The following CIBAR1 variants were observed in gnomAD, a reference collection of about 807,000 sequenced individuals.
CIBAR1 encodes the protein CBY1 interacting BAR domain containing 1.
Under a neutral mutation model 44.0 loss-of-function variants are expected in CIBAR1, and 25 were observed. The observed-to-expected ratio is 0.57, with a 90% CI of 0.41 to 0.79. CIBAR1 has a LOEUF of 0.79. Ranked by LOEUF, CIBAR1 falls within the 30% of genes least tolerant of loss-of-function variation. The probability of loss-of-function intolerance (pLI) is 0.00; values close to 1 mark genes in which losing one functional copy is unlikely to be tolerated. For synonymous variants in CIBAR1, 115 were observed against 119.0 expected (o/e 0.97, Z 0.22); for missense variants, 278 against 344.8 (o/e 0.81, Z 1.53).
intron 3 of CIBAR1, among the ~76,000 whole-genome samples, chr8:93,704,533 T>C (rs888905972): frequency 6.6e-6 from 1 of 152,194 alleles, no homozygotes; most frequent in East Asian, 1.9e-4. Flanking sequence ...CAGTTCCTAA[T>C]AGGCCTGGGG....
At chr8:93,720,846 G>A (rs1811235747) in intron 7 of CIBAR1, 1 of 151,950 alleles carries the variant, frequency 6.6e-6, no homozygotes, top group South Asian at 2.1e-4. Flanking sequence ...ACTCTAGCCT[G>A]GCAACAGAGT....
At position 93,701,259 on chromosome 8, in the gene CIBAR1, C is replaced by T. The variant is rs1272626563; in HGVS notation, c.62C>T (p.Ser21Leu). 1 of 1,613,624 alleles carries T rather than the reference C, an allele frequency of 6.2e-7. No individual in the cohort carries two copies. The highest frequency in any genetic ancestry group is 1.1e-5 in the South Asian group (1 of 90,932). The change falls in exon 2 of 9, where the codon TCA becomes TTA. Residue 21 changes from serine to leucine, a missense_variant. By Grantham distance (145) the Ser-to-Leu change is moderately radical (BLOSUM62 -2). Around this residue, in one of 3 missense-constraint regions of CIBAR1, gnomAD observed 183 missense variants for 218.6 expected, o/e 0.84. Transcript: ENST00000518322. ...AQTKQLQTAVSNVEKHFGELC... is the reference protein window; with the variant it reads ...AQTKQLQTAVLNVEKHFGELC... ...ACGAAACAACTGCAAACAGCTGTCT[C>T]AAATGTGGAGAAGCATTTTGGAGAA... is the stretch of plus-strand genomic sequence containing the variant.
intron 1 of CIBAR1, chr8:93,700,990 C>G (rs530049268): frequency 2.9e-6 from 4 of 1,399,966 alleles, no homozygotes; most frequent in Non-Finnish European, 3.7e-6. Flanking sequence ...GAGCAGCCAC[C>G]TCCCCAGTTA....
At position 93,703,952 on chromosome 8, in the gene CIBAR1, T is replaced by G. The variant is rs140673576; in HGVS notation, c.330+264T>G. Reference sequence around the variant, plus strand: ...GGTGGCATGCACCTGTAATCCCAGCTACTCAGGAGGCCGAGGCAAGAAAAT... The same window carrying G: ...GGTGGCATGCACCTGTAATCCCAGCGACTCAGGAGGCCGAGGCAAGAAAAT... On this transcript the variant is annotated intron_variant, in intron 3 of 8. Coordinates refer to ENST00000518322, the MANE Select transcript of CIBAR1 (RefSeq NM_145269.5). Among the ~76,000 whole-genome samples, 1,389 of 151,818 alleles carry G rather than the reference T, an allele frequency of 9.1e-3. 72 individuals carry two copies. Among genetic ancestry groups the G allele is most frequent in the Admixed American group, 0.083 (1,272 of 15,244 alleles).
At chr8:93,703,543 A>G (rs1810456068) in intron 2 of CIBAR1, 77 bp from the exon 3 acceptor site, 4 of 821,466 alleles carry the variant, frequency 4.9e-6, no homozygotes, top group Non-Finnish European at 7.5e-6. Flanking sequence ...AGTCTTATCA[A>G]TTTCTAGTGA....
chr8:93,722,318 CGCTGAG>C (rs1251886126), intron 7 of CIBAR1, among the ~76,000 whole-genome samples: 1 of 152,158 alleles, frequency 6.6e-6, no homozygotes, highest in Non-Finnish European at 1.5e-5. Flanking sequence ...TTGTAAGAAC[CGCTGAG>C]ATTTATTCCA....
intron 8 of CIBAR1, 106 bp downstream of exon 8, chr8:93,726,619 C>G: frequency 2.3e-6 from 3 of 1,296,392 alleles, no homozygotes; most frequent in Non-Finnish European, 3.2e-6. Flanking sequence ...ACTTATCCTC[C>G]CCTGGACCTA....
chr8:93,711,042 A>G (rs1810803726), intron 6 of CIBAR1, among the ~76,000 whole-genome samples: 1 of 152,212 alleles, frequency 6.6e-6, no homozygotes, highest in Non-Finnish European at 1.5e-5. Context: ...GTAAATTTGC[A>G]TCTACTATGA....
Position 93,701,293 on chromosome 8 carries a change from A to C in CIBAR1, c.96A>C (p.Gln32His). ...AGAAGCATTTTGGAGAACTGTGCCA[A>C]ATCTTCGCTGCCTATGTGCGGAAAA... ...NVEKHFGELCQIFAAYVRKTA... is the reference protein window; with the variant it reads ...NVEKHFGELCHIFAAYVRKTA... Residue 32 changes from glutamine (Q) to histidine (H), a missense_variant, in exon 2 of 9, where the codon CAA becomes CAC. This residue lies in a region of CIBAR1 where 183 missense variants were observed against 218.6 expected (regional missense o/e 0.84). Coordinates refer to ENST00000518322, the MANE Select transcript of CIBAR1 (RefSeq NM_145269.5). The C allele has an allele frequency of 1.2e-6, 2 of 1,613,860 alleles. No individual in the cohort carries two copies. Among genetic ancestry groups the C allele is most frequent in the Middle Eastern group, 1.7e-4 (1 of 6,060 alleles).
intron 6 of CIBAR1, among the ~76,000 whole-genome samples, chr8:93,710,386 A>C (rs557273317): frequency 4.6e-5 from 7 of 152,200 alleles, no homozygotes; most frequent in African/African-American, 1.4e-4. Flanking sequence ...TATATAAAAG[A>C]CCAACATTTC....
chr8:93,711,312 A>G (rs947520262), intron 6 of CIBAR1, among the ~76,000 whole-genome samples: 2 of 152,206 alleles, frequency 1.3e-5, no homozygotes, highest in African/African-American at 4.8e-5. Context: ...TTCATAAGCT[A>G]TATTCTTTCA....
chr8:93,701,030 C>T, intron 1 of CIBAR1, 194 bp from the exon 2 acceptor site: 1 of 1,433,150 alleles, frequency 7.0e-7, no homozygotes, highest in Non-Finnish European at 9.1e-7. Flanking sequence ...TGGGCCTTTT[C>T]CTGTGCCTAC....
chr8:93,719,291 TTTA>T (rs1811155218), intron 7 of CIBAR1, among the ~76,000 whole-genome samples: 1 of 152,242 alleles, frequency 6.6e-6, no homozygotes, highest in African/African-American at 2.4e-5. Flanking sequence ...CAAGAGTTAA[TTTA>T]TTAATAGCTA....
chr8:93,716,901 T>C (rs534476482), intron 6 of CIBAR1, among the ~76,000 whole-genome samples: 1 of 152,256 alleles, frequency 6.6e-6, no homozygotes, highest in Non-Finnish European at 1.5e-5. Flanking sequence ...GCTGGAGAGC[T>C]GTCATTTCCT....
At position 93,713,051 on chromosome 8, in the gene CIBAR1, G is replaced by A. The variant is rs575207052; in HGVS notation, c.543+3176G>A. 3.9e-3 allele frequency among the ~76,000 whole-genome samples: 159 copies of A among 40,584 alleles called. 3 individuals carry two copies. In the Admixed American group the frequency reaches 0.042, roughly 11 times the overall value. The allele number at this position is 40,584 out of a possible 152,430, so 26.6% of individuals were successfully genotyped here. On this transcript the variant is annotated intron_variant, in intron 6 of 8. Coordinates refer to ENST00000518322, the MANE Select transcript of CIBAR1 (RefSeq NM_145269.5). ...TTTTTTTCTTTTTTTTTTTTTTTTC[G>A]AGACAGATTCTCGCTCTGTCGCCCA...
chr8:93,726,949 A>G (rs1811539707), intron 8 of CIBAR1, among the ~76,000 whole-genome samples: 1 of 152,214 alleles, frequency 6.6e-6, no homozygotes, highest in Non-Finnish European at 1.5e-5. Context: ...ATATCCAGAA[A>G]GCTTGAGTTT....
intron 3 of CIBAR1, 129 bp from the exon 4 acceptor site, chr8:93,704,780 A>G: frequency 1.8e-6 from 1 of 565,604 alleles, no homozygotes; most frequent in Non-Finnish European, 3.1e-6. Flanking sequence ...TTCCTGTGGT[A>G]ATGGTACCAG....
intron 1 of CIBAR1, chr8:93,701,005 C>A: frequency 7.0e-7 from 1 of 1,419,740 alleles, no homozygotes; most frequent in African/African-American, 1.4e-5. Flanking sequence ...CAGTTAAGGC[C>A]AGGCCCACCC....
Position 93,726,472 on chromosome 8 carries a change from C to T in CIBAR1, c.736C>T (p.Gln246Ter). The change falls in exon 8 of 9, where the codon CAG becomes TAG. Residue 246 changes from glutamine (Q) to a stop codon, truncating the protein, a stop_gained. Coordinates refer to ENST00000518322, the MANE Select transcript of CIBAR1 (RefSeq NM_145269.5). LOFTEE classifies it high-confidence loss of function. ...IVRANSKSPL[Q>*]RSLSAKCVSG... is the part of the protein sequence containing the mutation. ...AAGAGCAAATTCAAAGTCACCTCTT[C>T]AGAGATCACTGTCAGCTAAGTGTGT... 6.2e-7 allele frequency: 1 copy of T among 1,613,734 alleles called. No homozygotes were observed. Among genetic ancestry groups the T allele is most frequent in the Non-Finnish European group, 8.5e-7 (1 of 1,179,744 alleles).
Sources: gnomAD v4.1 joint callset for allele counts (sites outside exome capture counted in the v4.1 genomes callset) on GRCh38, gnomAD v4.1.1 for gene constraint, gnomAD v4.1.1 regional missense constraint, MANE v1.5 for transcripts, NCBI Gene and HGNC (gene_info 2026-07-23, HGNC 2026-07-21) for gene names.